The following TENM3 variants were observed in gnomAD, a reference collection of about 807,000 sequenced individuals.
The protein encoded by TENM3 is teneurin-3.
TENM3 carries 63 observed loss-of-function variants against 255.1 expected under a neutral mutation model. That is an observed-to-expected ratio of 0.25 (90% CI 0.20 to 0.30). TENM3 has a LOEUF of 0.30. TENM3 is among the 10% of genes least tolerant of loss of function. The pLI is 1.00. For synonymous variants in TENM3, 1,306 were observed against 1,322.3 expected (o/e 0.99, Z 0.27); for missense variants, 2,929 against 3,461.1 (o/e 0.85, Z 3.86).
At chr4:181,551,396 A>G in the TENM3 span, among the ~76,000 whole-genome samples, 1 of 152,326 alleles carries the variant, frequency 6.6e-6, no homozygotes, top group South Asian at 2.1e-4. Flanking sequence ...TGTATGGCAC[A>G]TTCACATAAT....
chr4:182,496,138 C>T (rs900728064), intron 3 of TENM3, among the ~76,000 whole-genome samples: 3 of 152,070 alleles, frequency 2.0e-5, no homozygotes, highest in Non-Finnish European at 2.9e-5. Context: ...GTCCGGACCC[C>T]TTTTTAAAGG....
chr4:182,100,158 G>T, the TENM3 span, among the ~76,000 whole-genome samples: 1 of 151,810 alleles, frequency 6.6e-6, no homozygotes, highest in Non-Finnish European at 1.5e-5. Context: ...AGACCACCAA[G>T]AAAATGTCTG....
intron 4 of TENM3, among the ~76,000 whole-genome samples, chr4:182,609,807 AC>A (rs1748814749): frequency 6.8e-6 from 1 of 146,334 alleles, no homozygotes; most frequent in Non-Finnish European, 1.6e-5. Flanking sequence ...GTAATACTTC[AC>A]AACGACTTTA....
At chr4:182,661,661 A>G (rs919433722) in intron 6 of TENM3, among the ~76,000 whole-genome samples, 36 of 152,160 alleles carry the variant, frequency 2.4e-4, no homozygotes, top group Admixed American at 1.5e-3. Flanking sequence ...TTATAAAAAG[A>G]TATGTTCTCT....
At chr4:181,662,329 GT>G in the TENM3 span, among the ~76,000 whole-genome samples, 3 of 152,160 alleles carry the variant, frequency 2.0e-5, no homozygotes, top group Non-Finnish European at 4.4e-5. Flanking sequence ...AAATAAATGA[GT>G]TATTTTCATT....
chr4:181,567,703 TAAC>T, the TENM3 span, among the ~76,000 whole-genome samples: 2 of 152,238 alleles, frequency 1.3e-5, no homozygotes, highest in East Asian at 3.8e-4. Flanking sequence ...TAGAAGTTGA[TAAC>T]AAGTTCTTTT....
At chr4:182,079,163 A>G in the TENM3 span, among the ~76,000 whole-genome samples, 2 of 152,184 alleles carry the variant, frequency 1.3e-5, no homozygotes, top group African/African-American at 4.8e-5. Flanking sequence ...AGAGGTTTTC[A>G]TGGTGGAGGG....
chr4:181,712,333 T>C, the TENM3 span, among the ~76,000 whole-genome samples: 6 of 152,172 alleles, frequency 3.9e-5, no homozygotes, highest in Non-Finnish European at 1.5e-5. Context: ...CGTCATCCCC[T>C]TGGTGTTGTT....
the TENM3 span, among the ~76,000 whole-genome samples, chr4:182,068,772 C>G: frequency 6.6e-6 from 1 of 151,818 alleles, no homozygotes; most frequent in Non-Finnish European, 1.5e-5. Context: ...TTAATGAACC[C>G]TACAAAATAT....
intron 1 of TENM3, among the ~76,000 whole-genome samples, chr4:182,258,700 C>A (rs1380848953): frequency 6.6e-6 from 1 of 152,126 alleles, no homozygotes. Context: ...AAAAGCAAAT[C>A]TTTTGAGTTT....
chr4:181,605,569 AG>A, the TENM3 span, among the ~76,000 whole-genome samples: 73 of 53,240 alleles, frequency 1.4e-3, 11 homozygotes, highest in African/African-American at 3.9e-3. Flanking sequence ...AAAGAAAGAA[AG>A]AGAGAGAAAG....
chr4:182,733,622 G>T (rs140577683), intron 16 of TENM3, among the ~76,000 whole-genome samples: 2 of 151,914 alleles, frequency 1.3e-5, no homozygotes, highest in African/African-American at 4.8e-5. Flanking sequence ...ACCTAGGGAG[G>T]GAGCACAGAT....
chr4:182,775,299 G>C, intron 24 of TENM3, 146 bp downstream of exon 24: 1 of 737,934 alleles, frequency 1.4e-6, no homozygotes, highest in South Asian at 1.8e-5. Flanking sequence ...TCCCACATGG[G>C]CCTGTTCTGG....
chr4:182,188,700 A>G (rs932510367), intron 1 of TENM3, among the ~76,000 whole-genome samples: 1 of 152,182 alleles, frequency 6.6e-6, no homozygotes, highest in Non-Finnish European at 1.5e-5. Flanking sequence ...TGGTCCGGGT[A>G]TCAAAATGCT....
intron 3 of TENM3, among the ~76,000 whole-genome samples, chr4:182,446,882 A>G (rs1772960567): frequency 6.6e-6 from 1 of 150,662 alleles, no homozygotes; most frequent in South Asian, 2.1e-4. Flanking sequence ...ACTTCAGGTG[A>G]CCCCCCACCC....
At chr4:182,492,400 A>T (rs1167716729) in intron 3 of TENM3, among the ~76,000 whole-genome samples, 1 of 152,210 alleles carries the variant, frequency 6.6e-6, no homozygotes, top group Non-Finnish European at 1.5e-5. Context: ...TAATTTATAG[A>T]TTGGCTTAAA....
chr4:181,638,592 T>G, the TENM3 span, among the ~76,000 whole-genome samples: 1 of 152,198 alleles, frequency 6.6e-6, no homozygotes, highest in Non-Finnish European at 1.5e-5. Context: ...TTTAGAACCT[T>G]AAAAATTCAT....
At chr4:182,755,835 C>T (rs1762707059) in intron 22 of TENM3, among the ~76,000 whole-genome samples, 1 of 151,830 alleles carries the variant, frequency 6.6e-6, no homozygotes, top group African/African-American at 2.4e-5. Flanking sequence ...GAGCGAGACT[C>T]CGCCTCAAAA....
At chr4:181,756,594 C>G in the TENM3 span, among the ~76,000 whole-genome samples, 2 of 152,188 alleles carry the variant, frequency 1.3e-5, no homozygotes, top group African/African-American at 4.8e-5. Flanking sequence ...TGCCTCATGA[C>G]AGGCTGTGAC....
Sources: gnomAD v4.1 joint callset for allele counts (sites outside exome capture counted in the v4.1 genomes callset) on GRCh38, gnomAD v4.1.1 for gene constraint, MANE v1.5 for transcripts, NCBI Gene and HGNC (gene_info 2026-07-23, HGNC 2026-07-21) for gene names.